LAMA1: variants seen among roughly 807,000 people sequenced by gnomAD.
LAMA1 encodes laminin subunit alpha-1.
A neutral mutation model predicts 348.7 loss-of-function variants in LAMA1; 219 were observed. The observed-to-expected ratio is 0.63, with a 90% CI of 0.56 to 0.70. The LOEUF is 0.70. Among genes scored for constraint, LAMA1 ranks in the 30% least tolerant of loss-of-function variants. The pLI is 0.00. For missense variants in LAMA1, 3,744 were observed against 3,888.0 expected (o/e 0.96, Z 0.99); for synonymous variants, 1,487 against 1,491.0 (o/e 1.00, Z 0.06).
chr18:7,008,097 A>G (rs1476210476), intron 28 of LAMA1, among the ~76,000 whole-genome samples: 1 of 151,972 alleles, frequency 6.6e-6, no homozygotes, highest in South Asian at 2.1e-4. Flanking sequence ...GCATATATAT[A>G]TATCATATAA....
At chr18:7,084,139 C>G (rs922465167) in intron 1 of LAMA1, among the ~76,000 whole-genome samples, 9 of 144,304 alleles carry the variant, frequency 6.2e-5, no homozygotes, top group Admixed American at 4.9e-4. Flanking sequence ...TGTACTAGAG[C>G]AAGCATGTTT....
chr18:7,110,654 T>G (rs543775718), intron 1 of LAMA1, among the ~76,000 whole-genome samples: 5 of 152,126 alleles, frequency 3.3e-5, no homozygotes, highest in Non-Finnish European at 5.9e-5. Context: ...AAACCCCATA[T>G]CTACTAAAAA....
chr18:7,066,801 A>G (rs1471111148), intron 3 of LAMA1, among the ~76,000 whole-genome samples: 1 of 152,242 alleles, frequency 6.6e-6, no homozygotes, highest in Non-Finnish European at 1.5e-5. Flanking sequence ...ATATAAATTG[A>G]GCAATGTTTT....
intron 1 of LAMA1, among the ~76,000 whole-genome samples, chr18:7,098,123 T>C (rs2143813319): frequency 6.7e-6 from 1 of 149,754 alleles, no homozygotes; most frequent in African/African-American, 2.5e-5. Flanking sequence ...GGTGCCGGGA[T>C]TGCAGACGGA....
At chr18:6,951,360 C>A (rs2057545841) in intron 57 of LAMA1, among the ~76,000 whole-genome samples, 1 of 152,210 alleles carries the variant, frequency 6.6e-6, no homozygotes, top group African/African-American at 2.4e-5. Flanking sequence ...CAAGCCCCTG[C>A]AAAGTGAGAG....
At chr18:7,078,534 T>C (rs1826147314) in intron 3 of LAMA1, among the ~76,000 whole-genome samples, 1 of 152,276 alleles carries the variant, frequency 6.6e-6, no homozygotes, top group South Asian at 2.1e-4. Flanking sequence ...GTCTTATACC[T>C]GAAAGCTATT....
chr18:7,071,417 C>A (rs2143765613), intron 3 of LAMA1, among the ~76,000 whole-genome samples: 2 of 152,248 alleles, frequency 1.3e-5, no homozygotes, highest in Middle Eastern at 3.4e-3. Context: ...AAAAGATGCT[C>A]AAAACAAAAT....
chr18:7,053,950 T>G lies in LAMA1; in HGVS notation c.346-3014A>C, dbSNP rs530893412. ...CACACCTGGCTAATCTTTGTATTTT[T>G]TTGTGTGACAGGGTCTCACTATGTT... is the stretch of plus-strand genomic sequence containing the variant. On this transcript the variant is annotated intron_variant, in intron 3 of 62. Transcript: ENST00000389658. Among the ~76,000 whole-genome samples the G allele has an allele frequency of 3.3e-5, 5 of 152,226 alleles. No homozygotes were observed. In the South Asian group the frequency reaches 1.0e-3, roughly 32 times the overall value.
chr18:6,947,793 G>A (rs1453816925), intron 60 of LAMA1, among the ~76,000 whole-genome samples: 1 of 152,184 alleles, frequency 6.6e-6, no homozygotes, highest in Non-Finnish European at 1.5e-5. Context: ...TAAAAAAGCC[G>A]AGGAGCCACA....
At chr18:7,078,260 G>A (rs1204409341) in intron 3 of LAMA1, among the ~76,000 whole-genome samples, 3 of 149,774 alleles carry the variant, frequency 2.0e-5, no homozygotes, top group Admixed American at 6.7e-5. Flanking sequence ...TCTGCCTCCT[G>A]GGTTCACGCC....
intron 3 of LAMA1, among the ~76,000 whole-genome samples, chr18:7,068,096 A>G (rs1424693215): frequency 6.6e-6 from 1 of 151,884 alleles, no homozygotes; most frequent in African/African-American, 2.4e-5. Flanking sequence ...CAGGTAATCC[A>G]CCTGCCTCGG....
At chr18:6,979,981 G>A (rs556356325) in intron 42 of LAMA1, among the ~76,000 whole-genome samples, 11 of 152,128 alleles carry the variant, frequency 7.2e-5, no homozygotes, top group East Asian at 1.9e-4. Context: ...GACTTATTGC[G>A]GCCTGGCTTC....
At chr18:7,040,331 C>T in intron 9 of LAMA1, 95 bp from the exon 10 acceptor site, 1 of 1,311,088 alleles carries the variant, frequency 7.6e-7, no homozygotes, top group South Asian at 1.2e-5. Flanking sequence ...CAGAGGGTAT[C>T]TATTTTAGGC....
chr18:7,026,186 A>G, intron 16 of LAMA1, 80 bp from the exon 17 acceptor site: 2 of 1,532,744 alleles, frequency 1.3e-6, no homozygotes, highest in South Asian at 2.4e-5. Context: ...TTGAAGTCCA[A>G]GCGGAAAAAA....
intron 3 of LAMA1, among the ~76,000 whole-genome samples, chr18:7,063,428 G>A (rs1469479902): frequency 2.6e-5 from 4 of 152,032 alleles, no homozygotes; most frequent in Non-Finnish European, 4.4e-5. Flanking sequence ...CAGGTACTAT[G>A]GAAAACAGTA....
intron 42 of LAMA1, among the ~76,000 whole-genome samples, chr18:6,978,660 A>T (rs779751826): frequency 6.6e-5 from 10 of 152,224 alleles, no homozygotes; most frequent in Non-Finnish European, 1.5e-4. Context: ...TCTCTGGAAT[A>T]TGATTTCAAT....
intron 32 of LAMA1, 56 bp downstream of exon 32, chr18:6,999,389 C>A (rs775381175): frequency 7.6e-6 from 12 of 1,576,218 alleles, no homozygotes; most frequent in Non-Finnish European, 8.7e-6. Flanking sequence ...CCACTTCTTT[C>A]CCGACACATT....
At chr18:6,996,357 T>C (rs2057781289) in intron 33 of LAMA1, among the ~76,000 whole-genome samples, 2 of 152,142 alleles carry the variant, frequency 1.3e-5, no homozygotes, top group Admixed American at 6.6e-5. Flanking sequence ...AAAACTCTTA[T>C]CTAAGAAAAG....
At chr18:7,057,304 A>G (rs2058085554) in intron 3 of LAMA1, among the ~76,000 whole-genome samples, 1 of 152,092 alleles carries the variant, frequency 6.6e-6, no homozygotes, top group African/African-American at 2.4e-5. Flanking sequence ...TACAGCAGGG[A>G]TTGAACCCAG....
Sources: gnomAD v4.1 joint callset for allele counts (sites outside exome capture counted in the v4.1 genomes callset) on GRCh38, gnomAD v4.1.1 for gene constraint, MANE v1.5 for transcripts, NCBI Gene and HGNC (gene_info 2026-07-23, HGNC 2026-07-21) for gene names.